The following NLRP11 variants were observed in gnomAD, a reference collection of about 807,000 sequenced individuals.
NLRP11 encodes the protein NLR family pyrin domain containing 11.
A neutral mutation model predicts 79.3 loss-of-function variants in NLRP11; 53 were observed. That is an observed-to-expected ratio of 0.67 (90% CI 0.54 to 0.84). The LOEUF is 0.84. Ranked by LOEUF, NLRP11 falls within the 40% of genes least tolerant of loss-of-function variation. The pLI, the probability that NLRP11 is intolerant of heterozygous loss-of-function variation, is 0.00. For missense variants in NLRP11, 1,264 were observed against 1,255.0 expected, an observed-to-expected ratio of 1.01 and a Z score of -0.11; for synonymous variants, 518 against 462.6, an observed-to-expected ratio of 1.12 and a Z score of -1.54.
Position 55,785,954 on chromosome 19 carries a change from G to T in NLRP11, c.2856-83C>A, listed in dbSNP as rs184634768. On this transcript the variant is annotated intron_variant, in intron 9 of 9. Coordinates refer to ENST00000589093, the Ensembl canonical transcript of NLRP11. Reference sequence around the variant, plus strand: ...TGCATCAATGACTAATTCCCCATATGGCATCCTTTGGGTATTCTTGGGAGT... The same window carrying T: ...TGCATCAATGACTAATTCCCCATATTGCATCCTTTGGGTATTCTTGGGAGT... The T allele has an allele frequency of 5.5e-3, 7,813 of 1,408,142 alleles. 37 individuals carry two copies. Among genetic ancestry groups the T allele is most frequent in the Non-Finnish European group, 7.0e-3 (7,160 of 1,029,764 alleles). The allele number at this position is 1,408,142 out of a possible 1,614,324, so 87.2% of individuals were successfully genotyped here.
intron 6 of NLRP11, 41 bp downstream of exon 6, chr19:55,796,039 G>A: frequency 6.4e-7 from 1 of 1,555,394 alleles, no homozygotes; most frequent in Non-Finnish European, 8.8e-7. Context: ...ATTCAAGTCA[G>A]TCTGAGCTTC....
At chr19:55,805,351 G>A (rs1979885706) in intron 4 of NLRP11, among the ~76,000 whole-genome samples, 3 of 152,030 alleles carry the variant, frequency 2.0e-5, no homozygotes, top group African/African-American at 7.2e-5. Flanking sequence ...TCCAGGCATA[G>A]AACACACGGG....
intron 1 of NLRP11, among the ~76,000 whole-genome samples, chr19:55,822,279 A>AAG (rs1981818793): frequency 6.6e-6 from 1 of 152,004 alleles, no homozygotes; most frequent in East Asian, 1.9e-4. Context: ...GAAATAAAAA[A>AAG]AGATTGCCTT....
chr19:55,808,043 A>G (rs370430646), intron 3 of NLRP11, 29 bp from the exon 4 acceptor site: 563 of 1,507,848 alleles, frequency 3.7e-4, no homozygotes, highest in Non-Finnish European at 4.9e-4. Context: ...GAGTTTTCCA[A>G]TGGAATCGAT....
chr19:55,791,813 T>C (rs1304282700), intron 7 of NLRP11, among the ~76,000 whole-genome samples: 2 of 152,194 alleles, frequency 1.3e-5, no homozygotes, highest in Non-Finnish European at 2.9e-5. Flanking sequence ...CAGAGGCCAT[T>C]GCATCATGCC....
chr19:55,818,155 G>A, exon 2 of NLRP11: 3 of 1,612,914 alleles, frequency 1.9e-6, no homozygotes, highest in Non-Finnish European at 2.5e-6. Flanking sequence ...GTCAAAGTCA[G>A]TAGAATCCGA....
rs1191399589 is a variant in NLRP11, at chr19:55,811,495, G to A, written c.272-1157C>T. Among the ~76,000 whole-genome samples the A allele has an allele frequency of 2.6e-5, 4 of 152,188 alleles. No homozygotes were observed. In the East Asian group the frequency reaches 7.8e-4, roughly 30 times the overall value. ...CAGCTGCAGCAGGGCTGGTGTGGTG[G>A]ACCTGAATGTACTGGAATGTGGCAC... On this transcript the variant is annotated intron_variant, in intron 2 of 9. Coordinates refer to ENST00000589093, the Ensembl canonical transcript of NLRP11.
intron 5 of NLRP11, among the ~76,000 whole-genome samples, chr19:55,797,810 C>T (rs1979073746): frequency 6.6e-6 from 1 of 152,086 alleles, no homozygotes; most frequent in Non-Finnish European, 1.5e-5. Context: ...AGAGGGCAAG[C>T]TCTGAATCTC....
At chr19:55,817,849 C>T (rs185455557) in intron 2 of NLRP11, 55 bp downstream of exon 2, 32 of 1,433,974 alleles carry the variant, frequency 2.2e-5, no homozygotes, top group Non-Finnish European at 2.9e-5. Context: ...GCCCAACACC[C>T]AGCTTCCTGT....
intron 9 of NLRP11, among the ~76,000 whole-genome samples, chr19:55,786,344 C>A (rs2122692748): frequency 6.6e-6 from 1 of 152,164 alleles, no homozygotes; most frequent in Non-Finnish European, 1.5e-5. Context: ...GACAACATGC[C>A]AAAACCCCAT....
chr19:55,810,136 T>C (rs1980461182), exon 3 of NLRP11: 1 of 1,614,174 alleles, frequency 6.2e-7, no homozygotes, highest in African/African-American at 1.3e-5. Context: ...CAATAGTTTT[T>C]CCAGATGCTC....
chr19:55,822,038 C>G (rs1600201659), intron 1 of NLRP11, among the ~76,000 whole-genome samples: 1 of 152,164 alleles, frequency 6.6e-6, no homozygotes, highest in South Asian at 2.1e-4. Flanking sequence ...GTGGGTGGAT[C>G]ACCTGAGGTC....
At chr19:55,827,333 A>G (rs1244724921) in intron 1 of NLRP11, among the ~76,000 whole-genome samples, 1 of 148,860 alleles carries the variant, frequency 6.7e-6, no homozygotes, top group African/African-American at 2.5e-5. Context: ...CCTAGGCATG[A>G]CCATTCAGGA....
intron 1 of NLRP11, among the ~76,000 whole-genome samples, chr19:55,831,754 C>CAA (rs11364661): frequency 5.0e-5 from 7 of 140,774 alleles, no homozygotes; most frequent in Non-Finnish European, 9.5e-5. Context: ...ATAAGTTTAT[C>CAA]AAAAAAAAAA....
chr19:55,830,372 G>C (rs1327009552), intron 1 of NLRP11, among the ~76,000 whole-genome samples: 2 of 152,196 alleles, frequency 1.3e-5, no homozygotes, highest in Admixed American at 1.3e-4. Flanking sequence ...GTCTAATAAA[G>C]TAGTTACCTT....
chr19:55,799,496 T>C (rs182281861), intron 5 of NLRP11, among the ~76,000 whole-genome samples: 1 of 151,958 alleles, frequency 6.6e-6, no homozygotes, highest in Non-Finnish European at 1.5e-5. Flanking sequence ...GGAGGAATAA[T>C]CAAGGTTTGG....
At chr19:55,801,914 G>A (rs1979519279) in intron 4 of NLRP11, among the ~76,000 whole-genome samples, 175 bp from the exon 5 acceptor site, 1 of 152,152 alleles carries the variant, frequency 6.6e-6, no homozygotes. Flanking sequence ...CTAATTCCAA[G>A]GTCAGCCTGT....
chr19:55,798,738 ACACACACACACACT>A (rs149039657), intron 5 of NLRP11, among the ~76,000 whole-genome samples: 4,083 of 151,668 alleles, frequency 0.027, 188 homozygotes, highest in African/African-American at 0.094. Flanking sequence ...TGCTTCAAAC[ACACACACACACACT>A]CACACACACA....
At position 55,805,699 on chromosome 19, in the gene NLRP11, C is replaced by G. The variant is rs78293638; in HGVS notation, c.2003+2154G>C. On this transcript the variant is annotated intron_variant, in intron 4 of 9. Coordinates refer to ENST00000589093, the Ensembl canonical transcript of NLRP11. ...GGATTACAGTTGCATGCCGCCACAC[C>G]CGGCTAATTTTTGTGTTTTTAGTAG... Among the ~76,000 whole-genome samples the G allele has an allele frequency of 3.9e-3, 592 of 152,136 alleles. 4 individuals carry two copies. The highest frequency in any genetic ancestry group is 0.014 in the African/African-American group (569 of 41,498).
Sources: gnomAD v4.1 joint callset for allele counts (sites outside exome capture counted in the v4.1 genomes callset) on GRCh38, gnomAD v4.1.1 for gene constraint, MANE v1.5 for transcripts, NCBI Gene and HGNC (gene_info 2026-07-23, HGNC 2026-07-21) for gene names.